Variants in GSE1 observed in about 807,000 individuals in gnomAD.
GSE1 encodes genetic suppressor element 1.
A neutral mutation model predicts 112.6 loss-of-function variants in GSE1; 32 were observed. The ratio of observed to expected loss-of-function variants is 0.28; its 90% CI spans 0.21 to 0.38. The LOEUF is 0.38. Ranked by LOEUF, GSE1 falls within the 10% of genes least tolerant of loss-of-function variation. The pLI, the probability that GSE1 is intolerant of heterozygous loss-of-function variation, is 1.00. For missense variants in GSE1, 2,348 were observed against 1,699.2 expected (o/e 1.38, Z -6.71); for synonymous variants, 1,115 against 735.6 (o/e 1.52, Z -8.35).
At chr16:85,414,422 T>C (rs1012418424) in intron 2 of GSE1, among the ~76,000 whole-genome samples, 2 of 152,060 alleles carry the variant, frequency 1.3e-5, no homozygotes, top group Admixed American at 6.6e-5. Flanking sequence ...GCACACCCTT[T>C]CTCCACACCC....
chr16:85,456,585 T>C (rs1056072423), intron 2 of GSE1, among the ~76,000 whole-genome samples: 27 of 64,982 alleles, frequency 4.2e-4, no homozygotes, highest in African/African-American at 1.9e-3. Context: ...CTGCCGTGTG[T>C]GTGTGTGTGT....
chr16:85,588,966 C>A (rs952516863), intron 1 of GSE1, among the ~76,000 whole-genome samples: 2 of 152,192 alleles, frequency 1.3e-5, no homozygotes, highest in African/African-American at 4.8e-5. Flanking sequence ...CACACACGTT[C>A]ACACTAACAC....
intron 2 of GSE1, among the ~76,000 whole-genome samples, chr16:85,639,960 C>T (rs1230699839): frequency 2.6e-5 from 4 of 152,132 alleles, no homozygotes; most frequent in Non-Finnish European, 5.9e-5. Flanking sequence ...CAGGCACCCC[C>T]TCCCTGGGAA....
intron 2 of GSE1, among the ~76,000 whole-genome samples, chr16:85,435,942 T>C (rs2049237390): frequency 6.6e-6 from 1 of 152,108 alleles, no homozygotes; most frequent in Non-Finnish European, 1.5e-5. Context: ...ACCAGCCCCA[T>C]GTAGTCACCC....
intron 2 of GSE1, among the ~76,000 whole-genome samples, chr16:85,640,578 C>G (rs1050105619): frequency 6.6e-6 from 1 of 152,230 alleles, no homozygotes; most frequent in Non-Finnish European, 1.5e-5. Context: ...GAGATCCCAC[C>G]TGAGTGAGTG....
intron 13 of GSE1, 36 bp downstream of exon 13, chr16:85,666,383 T>C: frequency 6.2e-7 from 1 of 1,611,098 alleles, no homozygotes; most frequent in South Asian, 1.1e-5. Context: ...AGCTCTCGGC[T>C]GTGGTTGAGG....
At position 85,341,988 on chromosome 16, in the gene GSE1, G is replaced by A. The variant is rs530167655; in HGVS notation, c.2284-15475G>A. Among the ~76,000 whole-genome samples, 30 of 152,250 alleles carry A rather than the reference G, an allele frequency of 2.0e-4. No individual in the cohort carries two copies. The South Asian group carries it at 3.9e-3, about 20-fold the overall frequency. On this transcript the variant is annotated intron_variant, in intron 1 of 2. Coordinates refer to the GSE1 transcript ENST00000637419. Reference sequence around the variant, plus strand: ...TCGGCAGTGGAATAGAGACCGGCAGGTGGTCTCTCTATCCCTGGGCTGCCT... The same window carrying A: ...TCGGCAGTGGAATAGAGACCGGCAGATGGTCTCTCTATCCCTGGGCTGCCT...
intron 3 of GSE1, among the ~76,000 whole-genome samples, chr16:85,653,654 CAG>C (rs1225150938): frequency 6.6e-6 from 1 of 152,036 alleles, no homozygotes; most frequent in Non-Finnish European, 1.5e-5. Context: ...GCTGGCCAGT[CAG>C]GGCCCAGCTG....
intron 2 of GSE1, among the ~76,000 whole-genome samples, chr16:85,513,745 G>C (rs556260650): frequency 7.2e-5 from 11 of 152,218 alleles, no homozygotes; most frequent in African/African-American, 2.6e-4. Flanking sequence ...CTCCTTCCCT[G>C]TCCTGCTCCT....
chr16:85,529,803 G>A (rs1231693244), intron 2 of GSE1, among the ~76,000 whole-genome samples: 1 of 152,226 alleles, frequency 6.6e-6, no homozygotes, highest in Non-Finnish European at 1.5e-5. Flanking sequence ...CAGAAAGGCT[G>A]TCTTCCTGAT....
chr16:85,482,310 T>C (rs7200732), intron 2 of GSE1, among the ~76,000 whole-genome samples: 104,890 of 152,226 alleles, frequency 0.69, 37,276 homozygotes, highest in African/African-American at 0.87. Context: ...AGGTGAGAGA[T>C]CGCACTTGCG....
chr16:85,187,295 C>G (rs2074724109), intron 1 of GSE1, among the ~76,000 whole-genome samples: 1 of 152,230 alleles, frequency 6.6e-6, no homozygotes, highest in East Asian at 1.9e-4. Context: ...AGCTGGCAGC[C>G]CCGCAGCTCG....
At chr16:85,634,201 C>T (rs950513493) in intron 2 of GSE1, 69 bp downstream of exon 2, 2 of 1,084,440 alleles carry the variant, frequency 1.8e-6, no homozygotes, top group Admixed American at 3.7e-5. Flanking sequence ...AGCCTCCCGC[C>T]TGCGGCGTGC....
At position 85,369,172 on chromosome 16, in the gene GSE1, C is replaced by T. The variant is rs117236226; in HGVS notation, c.2464+11529C>T. Among the ~76,000 whole-genome samples, 809 of 152,178 alleles carry T rather than the reference C, an allele frequency of 5.3e-3. 19 individuals are homozygous for T. Among genetic ancestry groups the T allele is most frequent in the Admixed American group, 0.038 (582 of 15,284 alleles). On this transcript the variant is annotated intron_variant, in intron 2 of 2. Coordinates refer to the GSE1 transcript ENST00000637419. ...GGAGAAACTGTTCCCTCATCTTTTCCCACTTCTAGGGGCCGTTTCATCTCC... is the reference window on the plus strand; with the variant it reads ...GGAGAAACTGTTCCCTCATCTTTTCTCACTTCTAGGGGCCGTTTCATCTCC...
intron 1 of GSE1, among the ~76,000 whole-genome samples, chr16:85,351,468 C>G (rs978486121): frequency 6.6e-6 from 1 of 151,842 alleles, no homozygotes; most frequent in East Asian, 1.9e-4. Context: ...CTAGAAGAGG[C>G]CAGTCCACGG....
At chr16:85,563,184 TCTTCC>T (rs2045599658) in intron 1 of GSE1, among the ~76,000 whole-genome samples, 1 of 144,232 alleles carries the variant, frequency 6.9e-6, no homozygotes, top group African/African-American at 2.8e-5. Context: ...CTCCTCCTCC[TCTTCC>T]TTTTTTTTTT....
chr16:85,206,897 C>G (rs2075127623), intron 1 of GSE1, among the ~76,000 whole-genome samples: 2 of 144,784 alleles, frequency 1.4e-5, no homozygotes, highest in South Asian at 4.8e-4. Context: ...AGGCAAAGTG[C>G]TAATTCCCAG....
chr16:85,392,400 T>A (rs1378530959), intron 2 of GSE1, among the ~76,000 whole-genome samples: 1 of 152,184 alleles, frequency 6.6e-6, no homozygotes, highest in Non-Finnish European at 1.5e-5. Flanking sequence ...TCTTAAAACA[T>A]CCATTGCTTC....
intron 1 of GSE1, among the ~76,000 whole-genome samples, chr16:85,175,126 AAAAT>A (rs1350489220): frequency 6.6e-6 from 1 of 152,200 alleles, no homozygotes; most frequent in Non-Finnish European, 1.5e-5. Context: ...AAACATGAGA[AAAAT>A]AAAGAGAAGA....
Sources: gnomAD v4.1 joint callset for allele counts (sites outside exome capture counted in the v4.1 genomes callset) on GRCh38, gnomAD v4.1.1 for gene constraint, MANE v1.5 for transcripts, NCBI Gene and HGNC (gene_info 2026-07-23, HGNC 2026-07-21) for gene names.